Variants in ZNF618 observed in about 807,000 individuals in gnomAD.
ZNF618 encodes neural precursor cell expressed, developmentally down-regulated 10.
ZNF618 carries 34 observed loss-of-function variants against 103.0 expected under a neutral mutation model. The observed-to-expected ratio is 0.33, with a 90% CI of 0.25 to 0.44. ZNF618 has a LOEUF of 0.44. ZNF618 is among the 20% of genes least tolerant of loss of function. ZNF618 has a pLI of 1.00. For missense variants in ZNF618, 1,059 were observed against 1,295.4 expected (o/e 0.82, Z 2.80); for synonymous variants, 551 against 542.2 (o/e 1.02, Z -0.23).
chr9:113,880,769 G>A (rs1828440680), intron 1 of ZNF618, among the ~76,000 whole-genome samples: 1 of 152,240 alleles, frequency 6.6e-6, no homozygotes, highest in South Asian at 2.1e-4. Flanking sequence ...GTATGTGTGT[G>A]ATTTGAAATA....
intron 11 of ZNF618, among the ~76,000 whole-genome samples, chr9:114,029,750 C>T (rs1843840184): frequency 6.6e-6 from 1 of 152,196 alleles, no homozygotes; most frequent in South Asian, 2.1e-4. Context: ...CCGTGAAACT[C>T]CTCCATGAGA....
chr9:114,037,676 C>T (rs1844742682), intron 13 of ZNF618, among the ~76,000 whole-genome samples: 2 of 152,222 alleles, frequency 1.3e-5, no homozygotes, highest in Non-Finnish European at 2.9e-5. Context: ...TCTGGCCTGA[C>T]TGGCATAGAG....
At chr9:113,911,453 C>T (rs926959887) in intron 1 of ZNF618, among the ~76,000 whole-genome samples, 3 of 151,740 alleles carry the variant, frequency 2.0e-5, no homozygotes, top group Admixed American at 6.6e-5. Flanking sequence ...CTTAGCCTCC[C>T]GAGTAGCTGG....
chr9:113,953,296 T>C (rs1835942166), intron 1 of ZNF618, among the ~76,000 whole-genome samples: 1 of 152,182 alleles, frequency 6.6e-6, no homozygotes, highest in African/African-American at 2.4e-5. Flanking sequence ...AGAGTCACAG[T>C]CTTCTTCAAT....
At chr9:113,962,669 C>A (rs1275591156) in intron 1 of ZNF618, among the ~76,000 whole-genome samples, 1 of 152,164 alleles carries the variant, frequency 6.6e-6, no homozygotes, top group Non-Finnish European at 1.5e-5. Context: ...CCAGACACCA[C>A]ATGGCCAACT....
chr9:113,897,691 A>T (rs1220692260), intron 1 of ZNF618, among the ~76,000 whole-genome samples: 1 of 151,874 alleles, frequency 6.6e-6, no homozygotes, highest in Admixed American at 6.6e-5. Context: ...TTTTAGTTTT[A>T]TATGTGTTTC....
At chr9:114,035,140 G>A in intron 12 of ZNF618, 1 of 981,560 alleles carries the variant, frequency 1.0e-6, no homozygotes, top group Non-Finnish European at 1.2e-6. Flanking sequence ...ATGACTATCA[G>A]CACAGAACAG....
chr9:113,890,020 A>G (rs1829470082), intron 1 of ZNF618, among the ~76,000 whole-genome samples: 1 of 152,192 alleles, frequency 6.6e-6, no homozygotes, highest in Non-Finnish European at 1.5e-5. Flanking sequence ...TAACTTGCCC[A>G]GGGTCATTCA....
intron 13 of ZNF618, among the ~76,000 whole-genome samples, chr9:114,039,100 C>T (rs1301117559): frequency 6.6e-6 from 1 of 152,176 alleles, no homozygotes; most frequent in Non-Finnish European, 1.5e-5. Context: ...TCGCAGTGAA[C>T]TCCAGAGCCC....
chr9:113,940,947 C>T (rs10817538), intron 1 of ZNF618, among the ~76,000 whole-genome samples: 4 of 151,890 alleles, frequency 2.6e-5, no homozygotes, highest in Non-Finnish European at 5.9e-5. Context: ...TTTCTTTCTG[C>T]CACGTAATTT....
At chr9:113,905,517 A>G (rs1431751419) in intron 1 of ZNF618, among the ~76,000 whole-genome samples, 1 of 152,178 alleles carries the variant, frequency 6.6e-6, no homozygotes, top group East Asian at 1.9e-4. Flanking sequence ...ATTCCACAAC[A>G]ATCCATAAAA....
rs573229265 is a variant in ZNF618 at position 114,015,639 on chromosome 9, T to A, written c.755-1056T>A. Among the ~76,000 whole-genome samples the A allele has an allele frequency of 2.0e-5, 3 of 152,340 alleles. No homozygotes were observed. The South Asian group carries it at 6.2e-4, about 32-fold the overall frequency. On this transcript the variant is annotated intron_variant, in intron 9 of 14. Coordinates refer to ENST00000374126, the MANE Select transcript of ZNF618 (RefSeq NM_001318042.2). ...AAAGATTATATGGAATAGCCTTTAT[T>A]TTGTGATAATGTGTAAAATTAATGG...
intron 1 of ZNF618, among the ~76,000 whole-genome samples, chr9:113,944,884 CAGT>C (rs1421756968): frequency 6.6e-6 from 1 of 152,192 alleles, no homozygotes; most frequent in Non-Finnish European, 1.5e-5. Flanking sequence ...TTCAAAAGCT[CAGT>C]AGCCACAGGG....
chr9:113,906,806 CA>C (rs201735391), intron 1 of ZNF618, among the ~76,000 whole-genome samples: 2,255 of 152,262 alleles, frequency 0.015, 44 homozygotes, highest in African/African-American at 0.052. Context: ...TTGCTTAATC[CA>C]AAAGGGGACG....
At chr9:113,981,073 A>G (rs1838927005) in intron 2 of ZNF618, among the ~76,000 whole-genome samples, 1 of 152,212 alleles carries the variant, frequency 6.6e-6, no homozygotes, top group Non-Finnish European at 1.5e-5. Flanking sequence ...ATGTGTGTTA[A>G]TGCATTTAAC....
chr9:114,048,474 G>T (rs1054954505), intron 14 of ZNF618, among the ~76,000 whole-genome samples, 177 bp from the exon 15 acceptor site: 1 of 152,128 alleles, frequency 6.6e-6, no homozygotes, highest in Admixed American at 6.5e-5. Flanking sequence ...ATCAATCATA[G>T]AACTTTATCC....
chr9:113,988,421 G>A lies in ZNF618; in HGVS notation c.178G>A (p.Val60Met), dbSNP rs752648633. The A allele has an allele frequency of 4.3e-6, 7 of 1,613,682 alleles. No individual in the cohort carries two copies. The South Asian group carries it at 6.6e-5, about 15-fold the overall frequency. ...LSAEQGTMTE[V>M]KVKTELPDDY... is the part of the protein sequence containing the mutation. Reference sequence around the variant, plus strand: ...TGCCGAGCAAGGAACGATGACGGAGGTGAAGGTGAAGACAGAGCTGCCCGA... The same window carrying A: ...TGCCGAGCAAGGAACGATGACGGAGATGAAGGTGAAGACAGAGCTGCCCGA... The change falls in exon 3 of 15, where the codon GTG becomes ATG. Residue 60 changes from valine to methionine, a missense_variant. This residue lies in a region of ZNF618 where 194 missense variants were observed against 209.0 expected (regional missense o/e 0.93). Transcript: ENST00000374126.
intron 4 of ZNF618, among the ~76,000 whole-genome samples, chr9:114,001,778 TG>T (rs927984893): frequency 6.6e-6 from 1 of 152,038 alleles, no homozygotes; most frequent in Non-Finnish European, 1.5e-5. Context: ...GGCCCAGAGA[TG>T]GGGGGGTGCC....
intron 9 of ZNF618, among the ~76,000 whole-genome samples, chr9:114,010,434 T>A (rs1193046727): frequency 6.6e-6 from 1 of 151,670 alleles, no homozygotes; most frequent in Non-Finnish European, 1.5e-5. Context: ...AGGCTGGGCG[T>A]GGTGGCTCTC....
Sources: allele counts gnomAD v4.1 joint callset (sites outside exome capture counted in the v4.1 genomes callset), GRCh38; gene constraint gnomAD v4.1.1; regional missense constraint gnomAD v4.1.1; transcripts MANE v1.5; gene names NCBI Gene and HGNC (gene_info 2026-07-23, HGNC 2026-07-21).